RAPGEF6: variants seen among roughly 807,000 people sequenced by gnomAD.
RAPGEF6 encodes the protein Rap guanine nucleotide exchange factor 6.
In RAPGEF6, 56 loss-of-function variants were observed where a neutral mutation model predicts 171.4. That is an observed-to-expected ratio of 0.33 (90% confidence interval 0.26 to 0.41). The LOEUF (loss-of-function observed/expected upper bound fraction) is 0.41, where lower values mean the gene tolerates loss of function less well. RAPGEF6 is among the 10% of genes least tolerant of loss of function. The probability of loss-of-function intolerance (pLI) is 1.00; values close to 1 mark genes in which losing one functional copy is unlikely to be tolerated. For synonymous variants in RAPGEF6, 692 were observed against 650.1 expected (o/e 1.06, Z -0.98); for missense variants, 1,674 against 1,921.4 (o/e 0.87, Z 2.41).
intron 26 of RAPGEF6, among the ~76,000 whole-genome samples, chr5:131,429,752 C>T (rs984176558): frequency 6.6e-6 from 1 of 152,056 alleles, no homozygotes; most frequent in Non-Finnish European, 1.5e-5. Flanking sequence ...GGAACTAATT[C>T]CTTCAAGAAC....
intron 5 of RAPGEF6, among the ~76,000 whole-genome samples, chr5:131,557,086 A>G (rs373871635): frequency 6.6e-6 from 1 of 152,302 alleles, no homozygotes; most frequent in South Asian, 2.1e-4. Flanking sequence ...CTTCTCATAC[A>G]GTTTTTGTAA....
At chr5:131,547,239 T>C (rs540196476) in intron 6 of RAPGEF6, among the ~76,000 whole-genome samples, 99 of 152,320 alleles carry the variant, frequency 6.5e-4, no homozygotes, top group African/African-American at 2.3e-3. Context: ...TTATGACAAC[T>C]GAAAAAACTA....
In RAPGEF6 at chr5:131,425,324, A is replaced by T. The variant is rs138550138; in HGVS notation, c.*1942T>A. ...ATAAAATGGTGAGAGTAGACATCTG[A>T]ATTTGATAAAAAAAGTGGGTATAGC... On this transcript the variant is annotated 3_prime_UTR_variant, in exon 28 of 28. Coordinates refer to ENST00000509018, the MANE Select transcript of RAPGEF6 (RefSeq NM_016340.6). The T allele has an allele frequency of 2.0e-4, 31 of 152,482 alleles. No homozygotes were observed. In the East Asian group the frequency reaches 4.3e-3, roughly 21 times the overall value. 9.4% of individuals were successfully genotyped at this position (152,482 alleles called of 1,614,324 possible).
At chr5:131,547,221 A>G (rs1275032981) in intron 6 of RAPGEF6, among the ~76,000 whole-genome samples, 2 of 152,346 alleles carry the variant, frequency 1.3e-5, no homozygotes, top group East Asian at 3.9e-4. Context: ...GAATGAATAA[A>G]TATCTGTTTA....
intron 12 of RAPGEF6, 50 bp from the exon 13 acceptor site, chr5:131,495,710 T>C (rs1282271905): frequency 2.6e-5 from 40 of 1,566,878 alleles, no homozygotes; most frequent in Non-Finnish European, 3.5e-5. Flanking sequence ...GCATTCCTTC[T>C]GCACAAGTGG....
intron 6 of RAPGEF6, among the ~76,000 whole-genome samples, chr5:131,538,333 G>C (rs1759909592): frequency 6.6e-6 from 1 of 152,120 alleles, no homozygotes; most frequent in African/African-American, 2.4e-5. Context: ...AGACGGTATA[G>C]CCTACTATAC....
Position 131,428,924 on chromosome 5 carries a change from A to T in RAPGEF6, c.4758T>A (p.Thr1586=). The T allele has an allele frequency of 6.2e-7, 1 of 1,613,970 alleles. No homozygotes were observed. The highest frequency in any genetic ancestry group is 8.5e-7 in the Non-Finnish European group (1 of 1,179,804). Residue 1586 remains threonine (T), a synonymous_variant, in exon 27 of 28, where the codon ACT becomes ACA. Transcript: ENST00000509018. ...TACCATCTGCTTCGCTATCTGCATC[A>T]GTCACATCTCCTAGTTTAGGATGGA... ...QPFHPKLGDV[T]DADSEADENE... is the part of the protein sequence containing the mutation.
intron 6 of RAPGEF6, among the ~76,000 whole-genome samples, chr5:131,542,402 A>T (rs1285424134): frequency 6.6e-6 from 1 of 152,156 alleles, no homozygotes. Context: ...TCTATAAGTT[A>T]TCTATCAAGA....
intron 1 of RAPGEF6, among the ~76,000 whole-genome samples, chr5:131,627,220 G>A (rs1765988571): frequency 6.6e-6 from 1 of 152,184 alleles, no homozygotes; most frequent in Non-Finnish European, 1.5e-5. Flanking sequence ...TAGGACAAGT[G>A]GTTGAAGAAC....
At chr5:131,472,765 T>C (rs373478296) in intron 16 of RAPGEF6, 21 bp from the exon 17 acceptor site, 3 of 1,591,466 alleles carry the variant, frequency 1.9e-6, no homozygotes, top group Non-Finnish European at 2.6e-6. Context: ...ATGTCATATA[T>C]CACTTTAAAG....
In RAPGEF6 at chr5:131,498,576, A is replaced by G. The variant is rs746773756; in HGVS notation, c.1286T>C (p.Ile429Thr). 5 of 1,613,704 alleles carry G rather than the reference A, an allele frequency of 3.1e-6. No individual in the cohort carries two copies. Among genetic ancestry groups the G allele is most frequent in the Non-Finnish European group, 4.2e-6 (5 of 1,179,900 alleles). ...ATPERLIMHL[I>T]EEHSIVDPTY... ...TGGATCCACGATGGAATGTTCTTCTATTAAATGCATTATGAGACGCTCAGG... is the reference window on the plus strand; with the variant it reads ...TGGATCCACGATGGAATGTTCTTCTGTTAAATGCATTATGAGACGCTCAGG... The change falls in exon 12 of 28, where the codon ATA (isoleucine) becomes ACA (threonine). Residue 429 changes from isoleucine to threonine, a missense_variant. Ile to Thr is a moderately conservative substitution (Grantham distance 89). Transcript: ENST00000509018.
intron 9 of RAPGEF6, among the ~76,000 whole-genome samples, chr5:131,505,983 A>C (rs1757347344): frequency 6.6e-6 from 1 of 152,258 alleles, no homozygotes; most frequent in Admixed American, 6.5e-5. Flanking sequence ...GCAAAAAGCA[A>C]ACATTTAAGA....
At chr5:131,479,293 C>T (rs564437274) in intron 16 of RAPGEF6, among the ~76,000 whole-genome samples, 1 of 151,838 alleles carries the variant, frequency 6.6e-6, no homozygotes, top group Non-Finnish European at 1.5e-5. Flanking sequence ...ACAGTCTTTC[C>T]CAAAATTCAA....
chr5:131,622,186 T>TAA (rs368148920), intron 1 of RAPGEF6, among the ~76,000 whole-genome samples: 1 of 147,214 alleles, frequency 6.8e-6, no homozygotes, highest in African/African-American at 2.5e-5. Flanking sequence ...AACTCTTTCC[T>TAA]AAAAAAAAAA....
rs770174199 is a variant in RAPGEF6 at position 131,428,923 on chromosome 5, C to A, written c.4759G>T (p.Asp1587Tyr). The change falls in exon 27 of 28, where the codon GAT becomes TAT. Residue 1587 changes from aspartate to tyrosine, a missense_variant. Transcript: ENST00000509018. ...ATACCATCTGCTTCGCTATCTGCAT[C>A]AGTCACATCTCCTAGTTTAGGATGG... Reference protein sequence around the residue: ...PFHPKLGDVTDADSEADENEQ... With the variant: ...PFHPKLGDVTYADSEADENEQ... The A allele has an allele frequency of 6.2e-7, 1 of 1,613,828 alleles. No homozygotes were observed. The highest frequency in any genetic ancestry group is 8.5e-7 in the Non-Finnish European group (1 of 1,179,680).
chr5:131,579,633 C>T (rs1279683795), intron 4 of RAPGEF6, among the ~76,000 whole-genome samples: 1 of 152,076 alleles, frequency 6.6e-6, no homozygotes, highest in Non-Finnish European at 1.5e-5. Flanking sequence ...ATTTACAAAC[C>T]TTGAGCTAGA....
At chr5:131,634,476 A>C (rs1349325015) in intron 1 of RAPGEF6, among the ~76,000 whole-genome samples, 1 of 152,246 alleles carries the variant, frequency 6.6e-6, no homozygotes, top group Non-Finnish European at 1.5e-5. Flanking sequence ...ATCATCTACT[A>C]CAGAATTCAC....
At chr5:131,551,108 G>C (rs762477250) in intron 5 of RAPGEF6, among the ~76,000 whole-genome samples, 1 of 152,070 alleles carries the variant, frequency 6.6e-6, no homozygotes, top group Non-Finnish European at 1.5e-5. Flanking sequence ...TCCTCAAAAG[G>C]TATACACAAG....
chr5:131,532,030 C>A, intron 6 of RAPGEF6: 4 of 383,062 alleles, frequency 1.0e-5, no homozygotes, highest in Non-Finnish European at 2.0e-5. Flanking sequence ...CGCAATAAAG[C>A]TCATTTACAG....
Sources: allele counts gnomAD v4.1 joint callset (sites outside exome capture counted in the v4.1 genomes callset), GRCh38; gene constraint gnomAD v4.1.1; transcripts MANE v1.5; gene names NCBI Gene and HGNC (gene_info 2026-07-23, HGNC 2026-07-21).